CNGB1: variants seen among roughly 807,000 people sequenced by gnomAD.
CNGB1 encodes the protein cyclic nucleotide-gated channel beta-1.
Under a neutral mutation model 151.7 loss-of-function variants are expected in CNGB1, and 126 were observed. The ratio of observed to expected loss-of-function variants is 0.83; its 90% CI spans 0.72 to 0.96. CNGB1 has a LOEUF of 0.96. CNGB1 is among the 40% of genes least tolerant of loss of function. The probability of loss-of-function intolerance (pLI) is 0.00; values close to 1 mark genes in which losing one functional copy is unlikely to be tolerated. For synonymous variants in CNGB1, 623 were observed against 635.1 expected (o/e 0.98, Z 0.29); for missense variants, 1,698 against 1,627.0 (o/e 1.04, Z -0.75).
chr16:57,959,947 C>T lies in CNGB1; in HGVS notation c.702G>A (p.Glu234=), dbSNP rs2149386497. The T allele has an allele frequency of 4.4e-6, 7 of 1,588,492 alleles. No individual in the cohort carries two copies. The highest frequency in any genetic ancestry group is 2.1e-4 in the Middle Eastern group (1 of 4,814). Residue 234 remains glutamate, a synonymous_variant, in exon 10 of 33, where the codon GAG becomes GAA. Coordinates refer to ENST00000251102, the MANE Select transcript of CNGB1 (RefSeq NM_001297.5). ...KEEPKEAPAP[E]PQPGSQAQTS... ...TCTGGGCCTGGGAGCCGGGCTGGGG[C>T]TCTGGAGCTGGTGCCTCCTTGGGTT...
chr16:57,912,446 C>T lies in CNGB1; in HGVS notation c.2369+484G>A, dbSNP rs1960744141. On this transcript the variant is annotated intron_variant, in intron 24 of 32. Transcript: ENST00000251102. ...CGGATATTCCTGGTTCTCTAAATAA[C>T]AAACATTTCTCTGGGAAAGAGGAGG... is the stretch of plus-strand genomic sequence containing the variant. Among the ~76,000 whole-genome samples the T allele has an allele frequency of 2.0e-5, 3 of 152,172 alleles. No individual in the cohort carries two copies. In the South Asian group the frequency reaches 6.2e-4, roughly 32 times the overall value.
At position 57,966,099 on chromosome 16, in the gene CNGB1, G is replaced by A. The variant is rs531996286; in HGVS notation, c.159+1029C>T. Among the ~76,000 whole-genome samples the A allele has an allele frequency of 3.3e-5, 5 of 152,198 alleles. No individual in the cohort carries two copies. In the South Asian group the frequency reaches 8.3e-4, roughly 25 times the overall value. ...GTTAAAATTCTGCTCCACCCTCTGCGTCTAAGAAGCTCTCCCCCATCAGCC... is the reference window on the plus strand; with the variant it reads ...GTTAAAATTCTGCTCCACCCTCTGCATCTAAGAAGCTCTCCCCCATCAGCC... On this transcript the variant is annotated intron_variant, in intron 2 of 32. Coordinates refer to ENST00000251102, the MANE Select transcript of CNGB1 (RefSeq NM_001297.5).
In CNGB1 at chr16:57,884,105, G is replaced by A; in HGVS notation, c.*59C>T. On this transcript the variant is annotated 3_prime_UTR_variant, in exon 33 of 33. Coordinates refer to ENST00000251102, the MANE Select transcript of CNGB1 (RefSeq NM_001297.5). ...AGGTGGGGCGCTGGGGCGCAGGGGCGCAGCGGGCGCTGGGGACACACCTGC... is the reference window on the plus strand; with the variant it reads ...AGGTGGGGCGCTGGGGCGCAGGGGCACAGCGGGCGCTGGGGACACACCTGC... 6.2e-7 allele frequency: 1 copy of A among 1,609,034 alleles called. No homozygotes were observed. The highest frequency in any genetic ancestry group is 8.5e-7 in the Non-Finnish European group (1 of 1,175,686).
At position 57,962,870 on chromosome 16, in the gene CNGB1, G is replaced by T; in HGVS notation, c.384C>A (p.Ile128=). The change falls in exon 6 of 33, where the codon ATC becomes ATA. Residue 128 remains isoleucine, a splice_region_variant and synonymous_variant. Transcript: ENST00000251102. ...VHSITEDPAQ[I]LGHGSTGDTG... is the part of the protein sequence containing the mutation. The stretch of plus-strand genomic sequence containing the variant: ...TGTCCCCAGTGCTGCCATGCCCCAG[G>T]ATCTGCCAGGGACAGACAGACAGAC... The T allele has an allele frequency of 1.9e-6, 3 of 1,612,682 alleles. No individual in the cohort carries two copies. Among genetic ancestry groups the T allele is most frequent in the Non-Finnish European group, 2.5e-6 (3 of 1,180,006 alleles).
chr16:57,910,620 C>G (rs560085165), intron 25 of CNGB1, among the ~76,000 whole-genome samples: 1 of 151,432 alleles, frequency 6.6e-6, no homozygotes, highest in Non-Finnish European at 1.5e-5. Context: ...GTGATCTGCC[C>G]GCCTCAGCCT....
intron 17 of CNGB1, among the ~76,000 whole-genome samples, chr16:57,929,193 A>G (rs2149370709): frequency 6.6e-6 from 1 of 152,366 alleles, no homozygotes; most frequent in Non-Finnish European, 1.5e-5. Context: ...GAACTCGAAT[A>G]GACATTTCTC....
chr16:57,897,315 AAAAG>A, intron 31 of CNGB1, 78 bp downstream of exon 31: 1 of 1,487,218 alleles, frequency 6.7e-7, no homozygotes, highest in African/African-American at 1.4e-5. Context: ...AAAAAAAAAA[AAAAG>A]ATAAAGGTAC....
chr16:57,936,477 G>C (rs1961511285), intron 16 of CNGB1, among the ~76,000 whole-genome samples: 1 of 152,200 alleles, frequency 6.6e-6, no homozygotes, highest in African/African-American at 2.4e-5. Context: ...CCTAAAGAAA[G>C]GAATATATGT....
intron 27 of CNGB1, 126 bp downstream of exon 27, chr16:57,903,696 C>G (rs1207738911): frequency 8.4e-7 from 1 of 1,193,378 alleles, no homozygotes; most frequent in Non-Finnish European, 1.2e-6. Context: ...ACAGCCAAGA[C>G]AGGCCCCAGT....
At chr16:57,967,077 A>G (rs779776412) in intron 2 of CNGB1, 51 bp downstream of exon 2, 1 of 1,613,202 alleles carries the variant, frequency 6.2e-7, no homozygotes, top group Non-Finnish European at 8.5e-7. Flanking sequence ...CAAACTGGGA[A>G]GACCCTGAGC....
intron 1 of CNGB1, among the ~76,000 whole-genome samples, chr16:57,968,578 T>G (rs934877130): frequency 3.4e-5 from 5 of 144,976 alleles, no homozygotes; most frequent in Non-Finnish European, 6.1e-5. Flanking sequence ...ATGTTGACTA[T>G]GACTATTACA....
chr16:57,899,869 A>G (rs933883049), intron 29 of CNGB1, among the ~76,000 whole-genome samples: 1 of 152,208 alleles, frequency 6.6e-6, no homozygotes, highest in Non-Finnish European at 1.5e-5. Context: ...GGGGTGTCTC[A>G]GAGAGATCGC....
At chr16:57,921,512 G>A (rs760258046) in intron 18 of CNGB1, among the ~76,000 whole-genome samples, 3 of 152,122 alleles carry the variant, frequency 2.0e-5, no homozygotes, top group Non-Finnish European at 1.5e-5. Context: ...GTGAGACACC[G>A]TGCCCGGCCA....
intron 2 of CNGB1, among the ~76,000 whole-genome samples, chr16:57,966,663 C>G (rs1425930476): frequency 6.6e-6 from 1 of 152,210 alleles, no homozygotes; most frequent in African/African-American, 2.4e-5. Context: ...GTTTAATCAT[C>G]ATGGACTAGT....
At position 57,956,639 on chromosome 16, in the gene CNGB1, G is replaced by A. The variant is rs570651752; in HGVS notation, c.874+702C>T. On this transcript the variant is annotated intron_variant, in intron 12 of 32. Coordinates refer to ENST00000251102, the MANE Select transcript of CNGB1 (RefSeq NM_001297.5). ...TTGTGTTCAGGATGGAACAGGGGAT[G>A]CCACCACCCACAGCCCCTGAACTCT... Among the ~76,000 whole-genome samples the A allele has an allele frequency of 7.2e-5, 11 of 152,302 alleles. No individual in the cohort carries two copies. The East Asian group carries it at 2.1e-3, about 29-fold the overall frequency.
At chr16:57,923,664 G>T (rs966252484) in intron 17 of CNGB1, among the ~76,000 whole-genome samples, 1 of 152,126 alleles carries the variant, frequency 6.6e-6, no homozygotes, top group African/African-American at 2.4e-5. Context: ...CCTGTGTGTG[G>T]CCTCAGCAAA....
intron 16 of CNGB1, among the ~76,000 whole-genome samples, chr16:57,936,787 AAAAC>A (rs1343288106): frequency 7.6e-6 from 1 of 132,394 alleles, no homozygotes; most frequent in Admixed American, 6.9e-5. Context: ...TCTGTCTCAA[AAAAC>A]AAACAAACAA....
At chr16:57,898,905 C>T (rs1474108219) in intron 29 of CNGB1, among the ~76,000 whole-genome samples, 1 of 152,178 alleles carries the variant, frequency 6.6e-6, no homozygotes, top group East Asian at 1.9e-4. Context: ...CAGAATGTGA[C>T]CTTATTTGGG....
intron 25 of CNGB1, among the ~76,000 whole-genome samples, chr16:57,909,922 C>T (rs1442339120): frequency 5.3e-5 from 8 of 152,314 alleles, no homozygotes; most frequent in Admixed American, 3.3e-4. Flanking sequence ...GGGAATGGGG[C>T]GGTACTATCT....
Sources: allele counts gnomAD v4.1 joint callset (sites outside exome capture counted in the v4.1 genomes callset), GRCh38; gene constraint gnomAD v4.1.1; transcripts MANE v1.5; gene names NCBI Gene and HGNC (gene_info 2026-07-23, HGNC 2026-07-21).